UIMC1: variants seen among roughly 807,000 people sequenced by gnomAD.
The protein encoded by UIMC1 is BRCA1-A complex subunit RAP80.
Under a neutral mutation model 84.9 loss-of-function variants are expected in UIMC1, and 42 were observed. That is an observed-to-expected ratio of 0.49 (90% CI 0.39 to 0.64). The LOEUF is 0.64. Among genes scored for constraint, UIMC1 ranks in the 30% least tolerant of loss-of-function variants. UIMC1 has a pLI of 0.00. For synonymous variants in UIMC1, 281 were observed against 293.0 expected (o/e 0.96, Z 0.42); for missense variants, 825 against 847.6 (o/e 0.97, Z 0.33).
intron 1 of UIMC1, among the ~76,000 whole-genome samples, chr5:176,993,760 C>T (rs1773210875): frequency 6.6e-6 from 1 of 151,994 alleles, no homozygotes; most frequent in African/African-American, 2.4e-5. Context: ...GTAATCCCAC[C>T]ACATTGGGAG....
chr5:177,020,664 C>G (rs1216031054), intron 1 of UIMC1, among the ~76,000 whole-genome samples: 1 of 152,118 alleles, frequency 6.6e-6, no homozygotes. Flanking sequence ...ATCTTCTGAC[C>G]TCGTGATCCA....
At chr5:177,004,751 G>GATC (rs1357001362) in intron 1 of UIMC1, among the ~76,000 whole-genome samples, 1 of 152,130 alleles carries the variant, frequency 6.6e-6, no homozygotes, top group Non-Finnish European at 1.5e-5. Flanking sequence ...CCATCGTCTT[G>GATC]ATCTATCTGA....
chr5:176,954,747 C>CA (rs79682515), intron 8 of UIMC1, among the ~76,000 whole-genome samples: 1,166 of 63,768 alleles, frequency 0.018, 10 homozygotes, highest in African/African-American at 0.053. Context: ...AACTCTGTCT[C>CA]AAAAAAAAAA....
intron 1 of UIMC1, among the ~76,000 whole-genome samples, chr5:176,988,884 A>G (rs987271687): frequency 6.6e-6 from 1 of 152,014 alleles, no homozygotes; most frequent in African/African-American, 2.4e-5. Context: ...GGGTTTCACC[A>G]TGTTGGCCAA....
At chr5:176,994,192 T>A (rs921527137) in intron 1 of UIMC1, among the ~76,000 whole-genome samples, 1 of 151,660 alleles carries the variant, frequency 6.6e-6, no homozygotes, top group Non-Finnish European at 1.5e-5. Context: ...AACAACACAC[T>A]GAGACCCTAT....
intron 1 of UIMC1, among the ~76,000 whole-genome samples, chr5:177,014,290 G>A (rs552810690): frequency 3.8e-4 from 57 of 151,808 alleles, no homozygotes; most frequent in Admixed American, 2.6e-4. Context: ...CTGATCTCAG[G>A]CAATCCACCT....
intron 1 of UIMC1, among the ~76,000 whole-genome samples, chr5:176,985,012 C>G (rs1771747119): frequency 6.6e-6 from 1 of 152,148 alleles, no homozygotes; most frequent in Non-Finnish European, 1.5e-5. Context: ...ATGTGTTTAT[C>G]TGCTGACCTT....
chr5:176,953,495 T>TACGCAC (rs1766167828), intron 8 of UIMC1, among the ~76,000 whole-genome samples: 1 of 136,886 alleles, frequency 7.3e-6, no homozygotes, highest in African/African-American at 2.8e-5. Context: ...ACTGGACACA[T>TACGCAC]ACACACACAC....
At position 176,975,376 on chromosome 5, in the gene UIMC1, T is replaced by C. The variant is rs755371228; in HGVS notation, c.232+20A>G. ...GACTATTACAATTCCCAAACCATTA[T>C]CAACAAAATGAAAACATACGTGCGA... On this transcript the variant is annotated intron_variant, in intron 3 of 14. Coordinates refer to ENST00000511320, the MANE Select transcript of UIMC1 (RefSeq NM_001199298.2). 1.9e-6 allele frequency: 3 copies of C among 1,611,672 alleles called. No homozygotes were observed. The highest frequency in any genetic ancestry group is 2.7e-5 in the African/African-American group (2 of 74,864).
At chr5:176,979,380 G>T (rs1770662201) in intron 2 of UIMC1, among the ~76,000 whole-genome samples, 1 of 152,154 alleles carries the variant, frequency 6.6e-6, no homozygotes, top group African/African-American at 2.4e-5. Flanking sequence ...ACACTTTGGG[G>T]TGTATCACCT....
At chr5:176,953,470 C>CA (rs977495171) in intron 8 of UIMC1, among the ~76,000 whole-genome samples, 1 of 138,282 alleles carries the variant, frequency 7.2e-6, no homozygotes, top group Non-Finnish European at 1.5e-5. Flanking sequence ...TAATACATCA[C>CA]AAATTTTTTT....
intron 6 of UIMC1, among the ~76,000 whole-genome samples, chr5:176,959,145 A>T (rs1014747570): frequency 6.6e-6 from 1 of 152,264 alleles, no homozygotes; most frequent in Non-Finnish European, 1.5e-5. Flanking sequence ...TATGAAAAAC[A>T]AGACTTAACC....
intron 9 of UIMC1, among the ~76,000 whole-genome samples, chr5:176,950,638 G>A (rs1230580273): frequency 1.3e-5 from 2 of 151,938 alleles, no homozygotes; most frequent in Non-Finnish European, 2.9e-5. Context: ...GGGAGGCTAA[G>A]GTGGGCAGAT....
In UIMC1 at chr5:176,948,669, T is replaced by C. The variant is rs1765438069; in HGVS notation, c.1443+2805A>G. ...TTTGTATCCCAAGAGTCTAAAACAA[T>C]GACTGGCACAAAGTATACAAACTAT... On this transcript the variant is annotated intron_variant, in intron 9 of 14. Transcript: ENST00000511320. 2.0e-5 allele frequency among the ~76,000 whole-genome samples: 3 copies of C among 152,342 alleles called. No homozygotes were observed. The South Asian group carries it at 6.2e-4, about 32-fold the overall frequency.
chr5:176,988,432 T>C (rs1772342656), intron 1 of UIMC1, among the ~76,000 whole-genome samples: 1 of 152,098 alleles, frequency 6.6e-6, no homozygotes, highest in Admixed American at 6.6e-5. Flanking sequence ...AAGGCACATA[T>C]TGTATGATTC....
At chr5:176,912,498 G>A (rs11740768) in intron 10 of UIMC1, among the ~76,000 whole-genome samples, 84,626 of 143,004 alleles carry the variant, frequency 0.59, 26,146 homozygotes, top group African/African-American at 0.82. Flanking sequence ...TTGAGACATA[G>A]TCTCACTCTT....
Position 176,969,612 on chromosome 5 carries a change from C to T in UIMC1, c.452G>A (p.Gly151Glu). The change falls in exon 5 of 15, where the codon GGG (glycine) becomes GAG (glutamate). Residue 151 changes from glycine to glutamate, a missense_variant. Transcript: ENST00000511320. ...ACAGGGAGACATGCCTTCAGTGAGC[C>T]CAGAGTCTGTGGTTTTCTCTTGATG... The part of the protein sequence containing the change: ...QSHQEKTTDS[G>E]LTEGIWQLVP... 6.2e-7 allele frequency: 1 copy of T among 1,614,060 alleles called. No individual in the cohort carries two copies. Among genetic ancestry groups the T allele is most frequent in the South Asian group, 1.1e-5 (1 of 91,064 alleles).
chr5:176,908,371 G>T, intron 12 of UIMC1, 152 bp downstream of exon 12: 1 of 758,716 alleles, frequency 1.3e-6, no homozygotes. Flanking sequence ...AAATTAAAAG[G>T]AAAAATAATT....
At chr5:176,934,235 A>T (rs770733465) in intron 10 of UIMC1, among the ~76,000 whole-genome samples, 1 of 152,244 alleles carries the variant, frequency 6.6e-6, no homozygotes, top group Non-Finnish European at 1.5e-5. Flanking sequence ...CTTTAGAGAT[A>T]AAATAATTTT....
Sources: gnomAD v4.1 joint callset for allele counts (sites outside exome capture counted in the v4.1 genomes callset) on GRCh38, gnomAD v4.1.1 for gene constraint, MANE v1.5 for transcripts, NCBI Gene and HGNC (gene_info 2026-07-23, HGNC 2026-07-21) for gene names.